DDX52: variants seen among roughly 807,000 people sequenced by gnomAD.
The protein encoded by DDX52 is probable ATP-dependent RNA helicase DDX52.
A neutral mutation model predicts 76.1 loss-of-function variants in DDX52; 59 were observed. That is an observed-to-expected ratio of 0.78 (90% CI 0.63 to 0.96). The LOEUF is 0.96. Among genes scored for constraint, DDX52 ranks in the 40% least tolerant of loss-of-function variants. DDX52 has a pLI of 0.00. For synonymous variants in DDX52, 231 were observed against 244.1 expected (o/e 0.95, Z 0.50); for missense variants, 707 against 703.9 (o/e 1.00, Z -0.05).
In DDX52 at chr17:37,611,125, T is replaced by A. The variant is rs1480358735; in HGVS notation, c.*3171A>T. Reference sequence around the variant, plus strand: ...CCTTCCATGACATCCCCAATCTGGGTTAGATGCCCTCTTGTGATGCTTTAG... The same window carrying A: ...CCTTCCATGACATCCCCAATCTGGGATAGATGCCCTCTTGTGATGCTTTAG... On this transcript the variant is annotated 3_prime_UTR_variant, in exon 15 of 15. Coordinates refer to ENST00000617633, the MANE Select transcript of DDX52 (RefSeq NM_007010.5). 6.6e-6 allele frequency: 1 copy of A among 152,140 alleles called. No homozygotes were observed. Among genetic ancestry groups the A allele is most frequent in the Non-Finnish European group, 1.5e-5 (1 of 68,040 alleles). The allele number at this position is 152,140 out of a possible 1,614,324, so 9.4% of individuals were successfully genotyped here.
intron 12 of DDX52, chr17:37,620,327 TG>T: frequency 6.2e-6 from 1 of 162,004 alleles, no homozygotes; most frequent in East Asian, 1.8e-4. Flanking sequence ...TTCACATGCT[TG>T]GAGTTGCTGA....
chr17:37,626,584 A>G (rs2030385854), intron 7 of DDX52, among the ~76,000 whole-genome samples: 1 of 152,226 alleles, frequency 6.6e-6, no homozygotes, highest in African/African-American at 2.4e-5. Context: ...ACATAGCTTA[A>G]TGTACCTATT....
chr17:37,626,971 G>A, intron 6 of DDX52, 111 bp from the exon 7 acceptor site: 1 of 783,452 alleles, frequency 1.3e-6, no homozygotes, highest in East Asian at 2.6e-5. Context: ...AGTAGTCATA[G>A]CCAACAACAC....
At chr17:37,621,574 A>G in intron 9 of DDX52, 54 bp from the exon 10 acceptor site, 1 of 1,546,358 alleles carries the variant, frequency 6.5e-7, no homozygotes, top group Non-Finnish European at 8.7e-7. Flanking sequence ...ACAATTGGTC[A>G]TTATTTCATA....
At chr17:37,620,119 C>T in intron 12 of DDX52, 2 of 349,934 alleles carry the variant, frequency 5.7e-6, no homozygotes, top group South Asian at 1.3e-4. Context: ...GGAGGAAGCA[C>T]TGACTGAAGC....
At chr17:37,624,177 G>A in intron 9 of DDX52, 167 bp downstream of exon 9, 1 of 439,718 alleles carries the variant, frequency 2.3e-6, no homozygotes. Context: ...ATACGATGCA[G>A]GATGATCATA....
Position 37,626,050 on chromosome 17 carries a change from G to A in DDX52, c.981C>T (p.Gly327=). 6.2e-7 allele frequency: 1 copy of A among 1,614,080 alleles called. No homozygotes were observed. Among genetic ancestry groups the A allele is most frequent in the Non-Finnish European group, 8.5e-7 (1 of 1,180,024 alleles). ...CCAGCTGGTCTCTGAACCCAGTTTTGCCATCTTCAAACAGTTTATCTGATT... is the reference window on the plus strand; with the variant it reads ...CCAGCTGGTCTCTGAACCCAGTTTTACCATCTTCAAACAGTTTATCTGATT... ...VDESDKLFED[G]KTGFRDQLAS... is the part of the protein sequence containing the mutation. Residue 327 remains glycine (G), a synonymous_variant, in exon 8 of 15, where the codon GGC becomes GGT. Coordinates refer to ENST00000617633, the MANE Select transcript of DDX52 (RefSeq NM_007010.5).
intron 6 of DDX52, 56 bp from the exon 7 acceptor site, chr17:37,626,916 T>G (rs1215490768): frequency 4.1e-6 from 6 of 1,459,892 alleles, no homozygotes; most frequent in South Asian, 2.4e-5. Context: ...CCTCTTGAAC[T>G]AGGAATTAAG....
chr17:37,630,081 A>G lies in DDX52; in HGVS notation c.696T>C (p.Asn232=). The G allele has an allele frequency of 6.2e-7, 1 of 1,614,010 alleles. No individual in the cohort carries two copies. Residue 232 remains asparagine (N), a synonymous_variant, in exon 5 of 15, where the codon AAT becomes AAC. Transcript: ENST00000617633. ...ATATAATCAGGGCTCTGAAGCCTTT[A>G]TTTGCGGGTTGTTTCAGCTGCATTA... is the stretch of plus-strand genomic sequence containing the variant. ...PILMQLKQPA[N]KGFRALIISP... is the part of the protein sequence containing the mutation.
intron 2 of DDX52, 114 bp from the exon 3 acceptor site, chr17:37,633,532 T>C: frequency 2.6e-6 from 2 of 783,208 alleles, no homozygotes; most frequent in Non-Finnish European, 3.4e-6. Flanking sequence ...GGTGCAAGCC[T>C]GTAGTCCCAG....
intron 14 of DDX52, among the ~76,000 whole-genome samples, chr17:37,617,516 ATACTT>A (rs1168237089): frequency 2.0e-5 from 3 of 152,252 alleles, no homozygotes; most frequent in Non-Finnish European, 1.5e-5. Flanking sequence ...CTAAAAAACT[ATACTT>A]TAATATTCTC....
chr17:37,627,304 G>A (rs1466273030), intron 6 of DDX52, among the ~76,000 whole-genome samples: 3 of 152,158 alleles, frequency 2.0e-5, no homozygotes, highest in Admixed American at 6.5e-5. Flanking sequence ...CCGGGTTCAC[G>A]CCATTCTCAC....
chr17:37,633,331 C>T lies in DDX52; in HGVS notation c.374G>A (p.Ser125Asn), dbSNP rs371630991. 4.0e-5 allele frequency: 65 copies of T among 1,611,594 alleles called. No homozygotes were observed. The highest frequency in any genetic ancestry group is 5.3e-5 in the Non-Finnish European group (63 of 1,179,124). Reference sequence around the variant, plus strand: ...CTCCAACTTTCCGGAAGTTAGTTTACTTTCTCTCTGAACTTTTTTGTCTTC... The same window carrying T: ...CTCCAACTTTCCGGAAGTTAGTTTATTTTCTCTCTGAACTTTTTTGTCTTC... ...KIEDKKVQRE[S>N]KLTSGKLENL... The change falls in exon 3 of 15, where the codon AGT becomes AAT. Residue 125 changes from serine to asparagine, a missense_variant. Ser to Asn is a conservative substitution (Grantham distance 46). Coordinates refer to ENST00000617633, the MANE Select transcript of DDX52 (RefSeq NM_007010.5).
At chr17:37,639,326 G>T (rs2031077911) in intron 2 of DDX52, 4 of 891,994 alleles carry the variant, frequency 4.5e-6, no homozygotes, top group African/African-American at 1.8e-5. Context: ...TACCTTGCTG[G>T]AAGGCATCGC....
chr17:37,611,039 T>C lies in DDX52; in HGVS notation c.*3257A>G, dbSNP rs1048306043. On this transcript the variant is annotated 3_prime_UTR_variant, in exon 15 of 15. Transcript: ENST00000617633. ...TGACCTCAGTTTGTCCTGGAATCCTTTTTGTTCCTCTTCTTTGCCTATTGG... is the reference window on the plus strand; with the variant it reads ...TGACCTCAGTTTGTCCTGGAATCCTCTTTGTTCCTCTTCTTTGCCTATTGG... 2.0e-5 allele frequency: 3 copies of C among 152,198 alleles called. No homozygotes were observed. Among genetic ancestry groups the C allele is most frequent in the Non-Finnish European group, 2.9e-5 (2 of 68,044 alleles). 9.4% of individuals were successfully genotyped at this position (152,198 alleles called of 1,614,324 possible). A position where few individuals can be genotyped will look rare whatever the true frequency, so the allele number is the denominator to read the frequency against.
intron 7 of DDX52, 135 bp downstream of exon 7, chr17:37,626,653 A>G (rs1335861763): frequency 2.5e-5 from 20 of 804,610 alleles, no homozygotes; most frequent in Non-Finnish European, 3.8e-5. Context: ...TTAAAAAACC[A>G]TTATTCTCAG....
chr17:37,624,836 T>C (rs1330742713), intron 8 of DDX52, among the ~76,000 whole-genome samples: 2 of 152,100 alleles, frequency 1.3e-5, no homozygotes, highest in Non-Finnish European at 2.9e-5. Context: ...GTGAGATATA[T>C]TAAGACTTTA....
chr17:37,625,867 G>A, intron 8 of DDX52, 28 bp downstream of exon 8: 1 of 1,612,042 alleles, frequency 6.2e-7, no homozygotes. Context: ...AAAAATCAGT[G>A]TGATAATGTT....
intron 5 of DDX52, among the ~76,000 whole-genome samples, chr17:37,629,344 AC>A (rs1191568180): frequency 6.6e-6 from 1 of 152,098 alleles, no homozygotes; most frequent in African/African-American, 2.4e-5. Context: ...GGAGGGTAGA[AC>A]AGATCACTGT....
Sources: allele counts gnomAD v4.1 joint callset (sites outside exome capture counted in the v4.1 genomes callset), GRCh38; gene constraint gnomAD v4.1.1; transcripts MANE v1.5; gene names NCBI Gene and HGNC (gene_info 2026-07-23, HGNC 2026-07-21).